DENND5B: variants seen among roughly 807,000 people sequenced by gnomAD.
The protein encoded by DENND5B is DENN domain containing 5B, also known as DENN domain-containing protein 5B.
Under a neutral mutation model 140.6 loss-of-function variants are expected in DENND5B, and 34 were observed. The ratio of observed to expected loss-of-function variants is 0.24; its 90% confidence interval spans 0.18 to 0.32. DENND5B has a LOEUF of 0.32. Ranked by LOEUF, DENND5B falls within the 10% of genes least tolerant of loss-of-function variation. The pLI, the probability that DENND5B is intolerant of heterozygous loss-of-function variation, is 1.00. For missense variants in DENND5B, 1,142 were observed against 1,560.2 expected, an observed-to-expected ratio of 0.73 and a Z score of 4.52; for synonymous variants, 551 against 562.1, an observed-to-expected ratio of 0.98 and a Z score of 0.28.
At chr12:31,535,892 T>C (rs887983546) in intron 1 of DENND5B, among the ~76,000 whole-genome samples, 4 of 152,216 alleles carry the variant, frequency 2.6e-5, no homozygotes, top group Admixed American at 6.5e-5. Flanking sequence ...TGTCAAATTA[T>C]AATCTCCAAT....
Position 31,457,736 on chromosome 12 carries a change from T to C in DENND5B, c.1092+2458A>G, listed in dbSNP as rs1282254168. On this transcript the variant is annotated intron_variant, in intron 4 of 20. Transcript: ENST00000389082. ...TTCTTTTCTTTTTTTTTTTTTGAGA[T>C]GGAGTCTCGCTCTGTCGCCCAGGCT... Among the ~76,000 whole-genome samples, 3 of 151,678 alleles carry C rather than the reference T, an allele frequency of 2.0e-5. No homozygotes were observed. In the South Asian group the frequency reaches 6.3e-4, roughly 32 times the overall value.
chr12:31,427,581 G>C lies in DENND5B; in HGVS notation c.2107-1157C>G, dbSNP rs527765355. On this transcript the variant is annotated intron_variant, in intron 8 of 20. Transcript: ENST00000389082. ...AGATGGCGTCACTGCACTCCAGCCT[G>C]GGCAACTGAGCAAGACTCCATCTCA... Among the ~76,000 whole-genome samples, 213 of 149,176 alleles carry C rather than the reference G, an allele frequency of 1.4e-3. 2 individuals carry two copies. Among genetic ancestry groups the C allele is most frequent in the African/African-American group, 5.0e-3 (204 of 40,592 alleles).
At chr12:31,579,429 A>AG (rs770349784) in intron 1 of DENND5B, among the ~76,000 whole-genome samples, 12 of 152,028 alleles carry the variant, frequency 7.9e-5, no homozygotes, top group Non-Finnish European at 1.5e-4. Flanking sequence ...TGGGTAGCCG[A>AG]GGGGGGTGAT....
chr12:31,459,102 C>A (rs1944903364), intron 4 of DENND5B, among the ~76,000 whole-genome samples: 1 of 151,922 alleles, frequency 6.6e-6, no homozygotes. Context: ...ATCCCAGCTA[C>A]TCGGGAGGAC....
chr12:31,525,047 C>A (rs538109646), intron 1 of DENND5B, among the ~76,000 whole-genome samples: 1 of 152,312 alleles, frequency 6.6e-6, no homozygotes, highest in East Asian at 1.9e-4. Context: ...TTCACACCCA[C>A]TTGCATGACC....
chr12:31,560,219 T>A (rs1188700043), intron 1 of DENND5B, among the ~76,000 whole-genome samples: 2 of 152,208 alleles, frequency 1.3e-5, no homozygotes, highest in Admixed American at 1.3e-4. Context: ...AAAAATGGAT[T>A]CCTGAGCTGT....
chr12:31,399,151 A>G (rs1460654328), intron 16 of DENND5B, among the ~76,000 whole-genome samples: 3 of 117,450 alleles, frequency 2.6e-5, no homozygotes, highest in African/African-American at 6.2e-5. Flanking sequence ...AAAAAGAGAG[A>G]GAAAGAAAAA....
chr12:31,525,229 G>A (rs1046179902), intron 1 of DENND5B, among the ~76,000 whole-genome samples: 3 of 152,156 alleles, frequency 2.0e-5, no homozygotes, highest in South Asian at 2.1e-4. Context: ...GTCTGTCCAT[G>A]CAAAAATCTG....
At chr12:31,419,747 G>A (rs1420881271) in intron 11 of DENND5B, among the ~76,000 whole-genome samples, 3 of 152,026 alleles carry the variant, frequency 2.0e-5, no homozygotes, top group African/African-American at 7.2e-5. Flanking sequence ...GCTGAGGCGG[G>A]TGGATCACCT....
rs537709646 is a variant in DENND5B at position 31,554,367 on chromosome 12, TC to T, written c.127+36338del. Among the ~76,000 whole-genome samples the T allele has an allele frequency of 3.3e-3, 496 of 152,354 alleles. 5 individuals are homozygous for T. Among genetic ancestry groups the T allele is most frequent in the African/African-American group, 0.011 (465 of 41,580 alleles). The stretch of plus-strand genomic sequence containing the variant: ...TGATATTCTGGGTTGAAAATTCTTT[TC>T]TTTAAGAATGTTGAATATTGGCCCC... On this transcript the variant is annotated intron_variant, in intron 1 of 20. Coordinates refer to ENST00000389082, the MANE Select transcript of DENND5B (RefSeq NM_144973.4).
At chr12:31,414,586 G>A (rs749047883) in intron 12 of DENND5B, among the ~76,000 whole-genome samples, 6 of 152,084 alleles carry the variant, frequency 3.9e-5, no homozygotes, top group Admixed American at 6.6e-5. Context: ...TTGGGAGGCC[G>A]AGGCGGGAGA....
chr12:31,417,122 C>T lies in DENND5B; in HGVS notation c.2471-1674G>A, dbSNP rs559278583. ...CTGTAATCCCAGCACTTTGGGAGGC[C>T]GAGGCGGGCGGATCATGAGGTCAGG... On this transcript the variant is annotated intron_variant, in intron 11 of 20. Coordinates refer to ENST00000389082, the MANE Select transcript of DENND5B (RefSeq NM_144973.4). Among the ~76,000 whole-genome samples the T allele has an allele frequency of 3.3e-5, 5 of 149,468 alleles. No homozygotes were observed. The South Asian group carries it at 6.4e-4, about 19-fold the overall frequency.
rs1331306052 is a variant in DENND5B, at chr12:31,387,780, G to A, written c.3648C>T (p.Arg1216=). 1 of 1,613,308 alleles carries A rather than the reference G, an allele frequency of 6.2e-7. No individual in the cohort carries two copies. Among genetic ancestry groups the A allele is most frequent in the Non-Finnish European group, 8.5e-7 (1 of 1,179,734 alleles). Reference sequence around the variant, plus strand: ...ACAATGGAATCCACTGTGGGAGCAGGCGATCCCTACAGACCCAAACAGAAA... The same window carrying A: ...ACAATGGAATCCACTGTGGGAGCAGACGATCCCTACAGACCCAAACAGAAA... ...QILVCLGTRD[R]LLPQWIPLLA... The change falls in exon 21 of 21, where the codon CGC becomes CGT. Residue 1216 remains arginine (R), a synonymous_variant. Transcript: ENST00000389082.
intron 1 of DENND5B, among the ~76,000 whole-genome samples, chr12:31,545,950 C>CAAAAAAAAAAAAAAAAAAAAAAAAAA (rs57460264): frequency 1.1e-4 from 4 of 36,392 alleles, no homozygotes; most frequent in African/African-American, 1.4e-4. Flanking sequence ...GACACTGTCT[C>CAAAAAAAAAAAAAAAAAAAAAAAAAA]AAAAAAAAAA....
Position 31,423,690 on chromosome 12 carries a change from T to G in DENND5B, c.2392-15A>C, listed in dbSNP as rs772281987. ...GCCGACTTCCCCTGAAAGTACAAGA[T>G]GTGTAAAAATTTCATAAGAAATAAT... On this transcript the variant is annotated splice_polypyrimidine_tract_variant and intron_variant, in intron 10 of 20. Coordinates refer to ENST00000389082, the MANE Select transcript of DENND5B (RefSeq NM_144973.4). 14 of 1,609,030 alleles carry G rather than the reference T, an allele frequency of 8.7e-6. No individual in the cohort carries two copies. Among genetic ancestry groups the G allele is most frequent in the Non-Finnish European group, 1.2e-5 (14 of 1,176,486 alleles).
At position 31,514,249 on chromosome 12, in the gene DENND5B, C is replaced by T. The variant is rs910917668; in HGVS notation, c.128-18330G>A. Among the ~76,000 whole-genome samples the T allele has an allele frequency of 5.5e-4, 84 of 152,152 alleles. 1 individual carries two copies. The highest frequency in any genetic ancestry group is 2.0e-3 in the African/African-American group (81 of 41,450). On this transcript the variant is annotated intron_variant, in intron 1 of 20. Coordinates refer to ENST00000389082, the MANE Select transcript of DENND5B (RefSeq NM_144973.4). The stretch of plus-strand genomic sequence containing the variant: ...TTTAAATCTTTTATAACAATAAGAG[C>T]AACAGGCTGTATCATATAGTCAAGG...
intron 8 of DENND5B, among the ~76,000 whole-genome samples, chr12:31,429,696 A>G (rs569625753): frequency 6.6e-6 from 1 of 152,024 alleles, no homozygotes; most frequent in Admixed American, 6.5e-5. Flanking sequence ...GGTGTAAGCC[A>G]CCACGCCCTG....
chr12:31,398,348 C>T lies in DENND5B; in HGVS notation c.3083G>A (p.Arg1028Gln), dbSNP rs151059114. 3.9e-6 allele frequency: 6 copies of T among 1,545,692 alleles called. No homozygotes were observed. The highest frequency in any genetic ancestry group is 2.4e-5 in the East Asian group (1 of 40,940). Residue 1028 changes from arginine to glutamine, a missense_variant, in exon 17 of 21, where the codon CGG becomes CAG. Arg to Gln is a conservative substitution (Grantham distance 43). This residue lies in a region of DENND5B where 268 missense variants were observed against 349.2 expected (regional missense o/e 0.77). Coordinates refer to ENST00000389082, the MANE Select transcript of DENND5B (RefSeq NM_144973.4). ...ATCATCAATGCCTTTCCCCAGCCACCGCCCACATGGGAATCTGGTAGGACA... is the reference window on the plus strand; with the variant it reads ...ATCATCAATGCCTTTCCCCAGCCACTGCCCACATGGGAATCTGGTAGGACA... ...TGHTYRFPCGRWLGKGIDDGS... is the reference protein window; with the variant it reads ...TGHTYRFPCGQWLGKGIDDGS...
At chr12:31,486,257 C>CA (rs1448196059) in intron 2 of DENND5B, among the ~76,000 whole-genome samples, 1 of 152,174 alleles carries the variant, frequency 6.6e-6, no homozygotes, top group East Asian at 1.9e-4. Context: ...TGCTTTCTGC[C>CA]ATGTGAGGAT....
Sources: allele counts gnomAD v4.1 joint callset (sites outside exome capture counted in the v4.1 genomes callset), GRCh38; gene constraint gnomAD v4.1.1; regional missense constraint gnomAD v4.1.1; transcripts MANE v1.5; gene names NCBI Gene and HGNC (gene_info 2026-07-23, HGNC 2026-07-21).